The following ELP4 variants were observed in gnomAD, a reference collection of about 807,000 sequenced individuals.
The protein encoded by ELP4 is elongator complex protein 4.
Under a neutral mutation model 48.9 loss-of-function variants are expected in ELP4, and 51 were observed. The observed-to-expected ratio is 1.04, with a 90% confidence interval of 0.83 to 1.32. The LOEUF (loss-of-function observed/expected upper bound fraction) is 1.32. ELP4 is among the 40% of genes most tolerant of loss of function. The pLI, the probability that ELP4 is intolerant of heterozygous loss-of-function variation, is 0.00. For missense variants in ELP4, 519 were observed against 514.6 expected (o/e 1.01, Z -0.08); for synonymous variants, 210 against 189.2 (o/e 1.11, Z -0.90).
chr11:31,731,751 A>G (rs1363635847), intron 9 of ELP4, among the ~76,000 whole-genome samples: 3 of 152,188 alleles, frequency 2.0e-5, no homozygotes, highest in Non-Finnish European at 4.4e-5. Context: ...AGTCAACACT[A>G]AGACACATTA....
intron 9 of ELP4, among the ~76,000 whole-genome samples, chr11:31,746,497 A>G (rs1382240593): frequency 1.3e-5 from 2 of 152,250 alleles, no homozygotes; most frequent in Non-Finnish European, 2.9e-5. Context: ...GTAAATGTCC[A>G]ACAACAATAG....
At chr11:31,678,332 C>T (rs1265176910) in intron 9 of ELP4, among the ~76,000 whole-genome samples, 1 of 151,942 alleles carries the variant, frequency 6.6e-6, no homozygotes, top group Non-Finnish European at 1.5e-5. Context: ...AGCTGTGGTC[C>T]CAGCTACTCA....
intron 1 of ELP4, among the ~76,000 whole-genome samples, chr11:31,519,007 G>T (rs758667792): frequency 4.0e-5 from 6 of 151,838 alleles, no homozygotes; most frequent in Non-Finnish European, 5.9e-5. Flanking sequence ...TACAGACAGG[G>T]TTTCACCATG....
intron 9 of ELP4, among the ~76,000 whole-genome samples, chr11:31,753,014 A>G (rs1947760883): frequency 6.6e-6 from 1 of 152,140 alleles, no homozygotes; most frequent in Non-Finnish European, 1.5e-5. Flanking sequence ...TCATCTGTAT[A>G]AGGGTCATCG....
intron 9 of ELP4, among the ~76,000 whole-genome samples, chr11:31,675,595 T>C (rs1294535452): frequency 1.3e-5 from 2 of 152,106 alleles, no homozygotes; most frequent in Non-Finnish European, 2.9e-5. Context: ...ATTAAGCATA[T>C]ACAGGGCTGA....
Position 31,785,350 on chromosome 11 carries a change from GA to G in ELP4, c.*1831del. On this transcript the variant is annotated 3_prime_UTR_variant, in exon 10 of 10. Transcript: ENST00000640961. Reference sequence around the variant, plus strand: ...ACAATTACATAGCATTTGACTTGCTGAAAAAGAGATACGAGGTCATCAGATA... The same window carrying G: ...ACAATTACATAGCATTTGACTTGCTGAAAAGAGATACGAGGTCATCAGATA... 1 of 184,168 alleles carries G rather than the reference GA, an allele frequency of 5.4e-6. No individual in the cohort carries two copies. 11.4% of individuals were successfully genotyped at this position (184,168 alleles called of 1,614,324 possible).
At chr11:31,733,492 A>G (rs1282292303) in intron 9 of ELP4, among the ~76,000 whole-genome samples, 2 of 151,274 alleles carry the variant, frequency 1.3e-5, no homozygotes, top group African/African-American at 4.9e-5. Flanking sequence ...AAAAAAAAAA[A>G]AAAGGAAAGG....
In ELP4 at chr11:31,650,574, C is replaced by A. The variant is rs542752045; in HGVS notation, c.1143+353C>A. ...CTTGGGTGTGGAATGTGAATGCTAC[C>A]CACTATTGTCTGTGGCTAAGAGGAT... On this transcript the variant is annotated intron_variant, in intron 9 of 9. Transcript: ENST00000640961. 7 of 182,640 alleles carry A rather than the reference C, an allele frequency of 3.8e-5. No individual in the cohort carries two copies. In the South Asian group the frequency reaches 1.1e-3, roughly 30 times the overall value. The allele number at this position is 182,640 out of a possible 1,614,324, so 11.3% of individuals were successfully genotyped here.
chr11:31,521,651 C>CACTGTAA (rs1956216065), intron 2 of ELP4, among the ~76,000 whole-genome samples: 1 of 152,056 alleles, frequency 6.6e-6, no homozygotes, highest in Non-Finnish European at 1.5e-5. Flanking sequence ...AATTCATGCA[C>CACTGTAA]AATAAGGATC....
At chr11:31,690,076 G>C (rs542622691) in intron 9 of ELP4, among the ~76,000 whole-genome samples, 2 of 152,248 alleles carry the variant, frequency 1.3e-5, no homozygotes, top group South Asian at 2.1e-4. Context: ...TTAATCCTTA[G>C]ATTAATTCCT....
chr11:31,704,586 T>C (rs1014250106), intron 9 of ELP4, among the ~76,000 whole-genome samples: 2 of 152,082 alleles, frequency 1.3e-5, no homozygotes, highest in Non-Finnish European at 2.9e-5. Flanking sequence ...TGTATATATA[T>C]GTAACAAACC....
chr11:31,673,178 G>A (rs1417816354), intron 9 of ELP4, among the ~76,000 whole-genome samples: 9 of 151,830 alleles, frequency 5.9e-5, no homozygotes, highest in East Asian at 1.9e-4. Flanking sequence ...CACCATGTCC[G>A]GCTAATTTTT....
At chr11:31,700,677 A>C (rs893944358) in intron 9 of ELP4, among the ~76,000 whole-genome samples, 1 of 152,068 alleles carries the variant, frequency 6.6e-6, no homozygotes, top group Non-Finnish European at 1.5e-5. Context: ...AGATAGGGAC[A>C]TGTGTATTCA....
intron 9 of ELP4, among the ~76,000 whole-genome samples, chr11:31,773,056 G>A (rs938262642): frequency 5.3e-5 from 8 of 152,184 alleles, no homozygotes; most frequent in Non-Finnish European, 1.5e-5. Context: ...TGCCCTTTGG[G>A]GGCTCCACAG....
chr11:31,571,864 GT>G (rs1565059649), intron 3 of ELP4, among the ~76,000 whole-genome samples: 1 of 152,146 alleles, frequency 6.6e-6, no homozygotes, highest in Admixed American at 6.5e-5. Context: ...GGAAAACCAT[GT>G]TGTTTACAGA....
At chr11:31,555,582 A>G (rs1279377442) in intron 3 of ELP4, among the ~76,000 whole-genome samples, 1 of 151,830 alleles carries the variant, frequency 6.6e-6, no homozygotes, top group Non-Finnish European at 1.5e-5. Flanking sequence ...TGTTTTTAAC[A>G]TAATATATAT....
intron 9 of ELP4, among the ~76,000 whole-genome samples, chr11:31,661,488 A>G (rs1209783443): frequency 6.6e-6 from 1 of 152,040 alleles, no homozygotes; most frequent in East Asian, 1.9e-4. Flanking sequence ...TAAAGTATCA[A>G]ACTTTGGGAA....
At chr11:31,740,217 GT>G (rs1157419222) in intron 9 of ELP4, among the ~76,000 whole-genome samples, 1 of 152,108 alleles carries the variant, frequency 6.6e-6, no homozygotes, top group Non-Finnish European at 1.5e-5. Flanking sequence ...AGGGAAAAGG[GT>G]TTTTTTCTCC....
At chr11:31,571,022 A>G (rs1483087779) in intron 3 of ELP4, among the ~76,000 whole-genome samples, 1 of 149,646 alleles carries the variant, frequency 6.7e-6, no homozygotes, top group Non-Finnish European at 1.5e-5. Flanking sequence ...CTGGTCTCAA[A>G]CTCCTGACCT....
Sources: gnomAD v4.1 joint callset for allele counts (sites outside exome capture counted in the v4.1 genomes callset) on GRCh38, gnomAD v4.1.1 for gene constraint, MANE v1.5 for transcripts, NCBI Gene and HGNC (gene_info 2026-07-23, HGNC 2026-07-21) for gene names.